ZCCHC7: variants seen among roughly 807,000 people sequenced by gnomAD.
The protein encoded by ZCCHC7 is zinc finger CCHC-type containing 7, also known as zinc finger CCHC domain-containing protein 7.
Under a neutral mutation model 52.0 loss-of-function variants are expected in ZCCHC7, and 35 were observed. That is an observed-to-expected ratio of 0.67 (90% CI 0.51 to 0.89). The LOEUF is 0.89. Among genes scored for constraint, ZCCHC7 ranks in the 40% least tolerant of loss-of-function variants. The pLI is 0.00. For missense variants in ZCCHC7, 574 were observed against 649.1 expected, an observed-to-expected ratio of 0.88 and a Z score of 1.26; for synonymous variants, 217 against 221.5, an observed-to-expected ratio of 0.98 and a Z score of 0.18.
At chr9:37,316,613 A>G (rs1476885463) in intron 5 of ZCCHC7, among the ~76,000 whole-genome samples, 6 of 152,136 alleles carry the variant, frequency 3.9e-5, no homozygotes, top group Admixed American at 6.6e-5. Context: ...GCATGAGCCA[A>G]TGTGTCCAGC....
At chr9:37,194,947 C>CTTT (rs1169877667) in intron 2 of ZCCHC7, among the ~76,000 whole-genome samples, 1 of 133,500 alleles carries the variant, frequency 7.5e-6, no homozygotes, top group Admixed American at 7.5e-5. Context: ...TCTCTTTTTT[C>CTTT]TTTTTTTTTT....
chr9:37,297,591 T>C (rs181446818), intron 2 of ZCCHC7, among the ~76,000 whole-genome samples: 2 of 152,318 alleles, frequency 1.3e-5, no homozygotes. Context: ...AATTAGGATA[T>C]CTGGAAAATG....
At chr9:37,171,423 T>C (rs1187400037) in intron 2 of ZCCHC7, among the ~76,000 whole-genome samples, 5 of 152,180 alleles carry the variant, frequency 3.3e-5, no homozygotes, top group Admixed American at 3.3e-4. Flanking sequence ...TGGCATCTTC[T>C]TTTTTATTTT....
intron 2 of ZCCHC7, among the ~76,000 whole-genome samples, chr9:37,207,341 CA>C (rs1196073280): frequency 6.6e-6 from 1 of 151,978 alleles, no homozygotes; most frequent in Non-Finnish European, 1.5e-5. Flanking sequence ...TGTCAGTAGT[CA>C]TTTTTTTTCT....
intron 5 of ZCCHC7, among the ~76,000 whole-genome samples, chr9:37,307,994 GTGTTAAGAGAAA>G (rs1829410305): frequency 1.3e-5 from 2 of 152,104 alleles, no homozygotes; most frequent in African/African-American, 4.8e-5. Context: ...CCTACCAGCA[GTGTTAAGAGAAA>G]TGAGCACTGC....
At chr9:37,328,773 A>G (rs1363319381) in intron 6 of ZCCHC7, among the ~76,000 whole-genome samples, 1 of 151,978 alleles carries the variant, frequency 6.6e-6, no homozygotes, top group Non-Finnish European at 1.5e-5. Flanking sequence ...AGTAGACTCA[A>G]ACTACCTGTC....
intron 1 of ZCCHC7, among the ~76,000 whole-genome samples, chr9:37,123,993 A>G (rs1047532266): frequency 1.3e-5 from 2 of 152,232 alleles, no homozygotes; most frequent in Admixed American, 6.5e-5. Flanking sequence ...CTGGAAAACA[A>G]ACAACTCCAG....
intron 2 of ZCCHC7, among the ~76,000 whole-genome samples, chr9:37,157,432 T>C (rs142081589): frequency 1.3e-5 from 2 of 152,154 alleles, no homozygotes; most frequent in African/African-American, 4.8e-5. Context: ...GTCAAGGCTA[T>C]AGTGAGCCAT....
intron 2 of ZCCHC7, among the ~76,000 whole-genome samples, chr9:37,133,581 A>C (rs1842880820): frequency 6.6e-6 from 1 of 151,520 alleles, no homozygotes; most frequent in South Asian, 2.1e-4. Context: ...AAAATTTAAA[A>C]ATTTTAAAAT....
At chr9:37,189,830 A>G (rs748288313) in intron 2 of ZCCHC7, among the ~76,000 whole-genome samples, 2 of 152,194 alleles carry the variant, frequency 1.3e-5, no homozygotes, top group Non-Finnish European at 2.9e-5. Flanking sequence ...GTGTGTGCCA[A>G]ACATTGGACT....
At chr9:37,130,857 T>G (rs2132709718) in intron 2 of ZCCHC7, among the ~76,000 whole-genome samples, 2 of 152,136 alleles carry the variant, frequency 1.3e-5, no homozygotes, top group South Asian at 4.1e-4. Context: ...GGTTGAAACT[T>G]AAAACTTTGT....
At chr9:37,145,931 TTA>T (rs1176715439) in intron 2 of ZCCHC7, among the ~76,000 whole-genome samples, 1 of 151,918 alleles carries the variant, frequency 6.6e-6, no homozygotes, top group Non-Finnish European at 1.5e-5. Flanking sequence ...ACAGTAGGTC[TTA>T]TATCTTGTTG....
At chr9:37,254,133 T>C (rs1826461029) in intron 2 of ZCCHC7, among the ~76,000 whole-genome samples, 2 of 152,042 alleles carry the variant, frequency 1.3e-5, no homozygotes, top group Admixed American at 6.5e-5. Context: ...ATGGCAGTTA[T>C]GGTGAGAACG....
chr9:37,345,965 TTTTGGTTTGGTTTGG>T (rs370135658), intron 6 of ZCCHC7, among the ~76,000 whole-genome samples: 1,527 of 152,132 alleles, frequency 0.01, 29 homozygotes, highest in Admixed American at 0.058. Context: ...GTTTTTTTTG[TTTTGGTTTGGTTTGG>T]TTTGGTTTGG....
intron 2 of ZCCHC7, among the ~76,000 whole-genome samples, chr9:37,145,955 A>G (rs1237163805): frequency 1.3e-5 from 2 of 151,908 alleles, no homozygotes; most frequent in Non-Finnish European, 2.9e-5. Context: ...AGTGTGTAGA[A>G]CACACATTTT....
At chr9:37,267,830 G>C (rs1000202868) in intron 2 of ZCCHC7, among the ~76,000 whole-genome samples, 10 of 152,046 alleles carry the variant, frequency 6.6e-5, no homozygotes, top group African/African-American at 2.4e-4. Flanking sequence ...CGGCCTCCCA[G>C]AGTGCTGAGA....
At chr9:37,246,116 A>G (rs978523874) in intron 2 of ZCCHC7, among the ~76,000 whole-genome samples, 8 of 152,176 alleles carry the variant, frequency 5.3e-5, no homozygotes, top group African/African-American at 1.9e-4. Flanking sequence ...TCAAACTTAA[A>G]GAGACTGATT....
chr9:37,264,215 A>C (rs993262628), intron 2 of ZCCHC7, among the ~76,000 whole-genome samples: 2 of 152,212 alleles, frequency 1.3e-5, no homozygotes, highest in South Asian at 4.1e-4. Flanking sequence ...GCTTGTGAAA[A>C]TTAAACATTA....
intron 2 of ZCCHC7, among the ~76,000 whole-genome samples, chr9:37,128,330 G>A (rs1842627391): frequency 6.6e-6 from 1 of 152,154 alleles, no homozygotes; most frequent in Non-Finnish European, 1.5e-5. Flanking sequence ...ATGGGGATGT[G>A]TTTGATTTTC....
Sources: gnomAD v4.1 joint callset for allele counts (sites outside exome capture counted in the v4.1 genomes callset) on GRCh38, gnomAD v4.1.1 for gene constraint, MANE v1.5 for transcripts, NCBI Gene and HGNC (gene_info 2026-07-23, HGNC 2026-07-21) for gene names.